The following KRTCAP2 variants were observed in gnomAD, a reference collection of about 807,000 sequenced individuals.
KRTCAP2 encodes dolichyl-diphosphooligosaccharide--protein glycosyltransferase subunit KCP2.
In KRTCAP2, 10 loss-of-function variants were observed where a neutral mutation model predicts 16.5. That is an observed-to-expected ratio of 0.60 (90% CI 0.37 to 1.02). The LOEUF (loss-of-function observed/expected upper bound fraction) is 1.02. Ranked by LOEUF, KRTCAP2 falls within the 50% of genes least tolerant of loss-of-function variation. KRTCAP2 has a pLI of 0.01. For missense variants in KRTCAP2, 152 were observed against 159.6 expected (o/e 0.95, Z 0.26); for synonymous variants, 68 against 69.8 (o/e 0.97, Z 0.13).
chr1:155,173,091 TCCGGTGGAAATGCCCGCTC>T, intron 1 of KRTCAP2, 111 bp downstream of exon 1: 2 of 994,124 alleles, frequency 2.0e-6, no homozygotes, highest in South Asian at 1.5e-5. Flanking sequence ...AACCCTCCCG[TCCGGTGGAAATGCCCGCTC>T]CCGGTGGAAC....
At chr1:155,169,888 C>CG in intron 3 of KRTCAP2, 31 bp from the exon 4 acceptor site, 1 of 1,471,638 alleles carries the variant, frequency 6.8e-7, no homozygotes, top group Non-Finnish European at 9.4e-7. Flanking sequence ...AGGAGGGCAA[C>CG]GGTCAGAATG....
At chr1:155,172,716 C>T (rs991848624) in intron 2 of KRTCAP2, 22 bp downstream of exon 2, 2 of 1,614,176 alleles carry the variant, frequency 1.2e-6, no homozygotes, top group Admixed American at 1.7e-5. Context: ...TGGCCCGCCC[C>T]CTCCAACTGC....
intron 3 of KRTCAP2, chr1:155,171,880 T>G (rs1474387821): frequency 3.1e-6 from 3 of 970,332 alleles, no homozygotes; most frequent in African/African-American, 1.8e-5. Flanking sequence ...GAGAAAAGAT[T>G]AAGGGCAACC....
intron 1 of KRTCAP2, 26 bp from the exon 2 acceptor site, chr1:155,172,918 A>G (rs1345702962): frequency 6.2e-7 from 1 of 1,611,354 alleles, no homozygotes; most frequent in Non-Finnish European, 8.5e-7. Context: ...GAAGGGACGG[A>G]GAGTCAGGCT....
At position 155,172,804 on chromosome 1, in the gene KRTCAP2, G is replaced by A. The variant is rs1415733629; in HGVS notation, c.93C>T (p.Ala31=). ...AGMQMYSRQL[A]STEWLTIQGG... ...CCTGGATGGTGAGCCACTCGGTGGA[G>A]GCCAGCTGACGGCTGTACATCTGCA... Residue 31 remains alanine, a synonymous_variant, in exon 2 of 5, where the codon GCC becomes GCT. Transcript: ENST00000295682. 2 of 1,614,226 alleles carry A rather than the reference G, an allele frequency of 1.2e-6. No individual in the cohort carries two copies. The highest frequency in any genetic ancestry group is 1.7e-6 in the Non-Finnish European group (2 of 1,180,034).
chr1:155,169,929 G>T, intron 3 of KRTCAP2, 72 bp from the exon 4 acceptor site: 1 of 993,464 alleles, frequency 1.0e-6, no homozygotes, highest in Non-Finnish European at 1.6e-6. Context: ...ATGGAGTCCA[G>T]GAGAAATCCG....
chr1:155,170,079 G>C (rs888391590), intron 3 of KRTCAP2: 4 of 454,168 alleles, frequency 8.8e-6, no homozygotes, highest in South Asian at 7.3e-5. Context: ...CCAGCACTTC[G>C]GGAGGCTGAG....
At chr1:155,171,913 CAT>C (rs1018170693) in intron 3 of KRTCAP2, 30 of 978,804 alleles carry the variant, frequency 3.1e-5, no homozygotes, top group African/African-American at 5.3e-5. Context: ...TGTTTTACCA[CAT>C]GAGGGTTTTA....
At chr1:155,170,592 C>A (rs1479614580) in intron 3 of KRTCAP2, 1 of 152,272 alleles carries the variant, frequency 6.6e-6, no homozygotes, top group Non-Finnish European at 1.5e-5. Context: ...AAGTTGAAGG[C>A]CTTGCTCCCT....
chr1:155,171,682 AC>A, intron 3 of KRTCAP2: 2 of 670,056 alleles, frequency 3.0e-6, no homozygotes, highest in Non-Finnish European at 3.7e-6. Flanking sequence ...ATGTGGTGAA[AC>A]CCCATCTCTA....
At chr1:155,173,036 C>G (rs972231279) in intron 1 of KRTCAP2, 144 bp from the exon 2 acceptor site, 14 of 998,668 alleles carry the variant, frequency 1.4e-5, no homozygotes, top group Non-Finnish European at 1.7e-5. Flanking sequence ...CAACTCCCCA[C>G]ACCGCGCGGC....
chr1:155,172,340 C>T, intron 3 of KRTCAP2: 1 of 1,394,736 alleles, frequency 7.2e-7, no homozygotes, highest in Non-Finnish European at 9.3e-7. Context: ...TGGGAGCTGG[C>T]CAGAAGGTAC....
chr1:155,173,006 G>A (rs1665321250), intron 1 of KRTCAP2, 114 bp from the exon 2 acceptor site: 9 of 1,173,732 alleles, frequency 7.7e-6, no homozygotes, highest in East Asian at 2.5e-5. Context: ...AAGAACTCCC[G>A]GGACTGCAGC....
In KRTCAP2 at chr1:155,172,412, G is replaced by A. The variant is rs993500305; in HGVS notation, c.223+153C>T. ...TCCAACTCCAGGAGCTATACAAGGT[G>A]CAGAATCGAAAAGCGTCATCTGTCT... is the stretch of plus-strand genomic sequence containing the variant. On this transcript the variant is annotated intron_variant, in intron 3 of 4. Transcript: ENST00000295682. 19 of 1,494,256 alleles carry A rather than the reference G, an allele frequency of 1.3e-5. No individual in the cohort carries two copies. In the Admixed American group the frequency reaches 2.6e-4, roughly 21 times the overall value. 92.6% of individuals were successfully genotyped at this position (1,494,256 alleles called of 1,614,324 possible).
intron 3 of KRTCAP2, chr1:155,172,064 C>A: frequency 4.0e-6 from 4 of 991,594 alleles, no homozygotes; most frequent in Non-Finnish European, 3.6e-6. Context: ...AGCAATTGAA[C>A]AAGAATTATT....
chr1:155,173,167 A>G, intron 1 of KRTCAP2, 54 bp downstream of exon 1: 2 of 1,471,534 alleles, frequency 1.4e-6, no homozygotes, highest in Middle Eastern at 2.4e-4. Context: ...AAGCTTGTCC[A>G]CCCAAACCCC....
chr1:155,169,767 C>T (rs1665182496), intron 4 of KRTCAP2, 24 bp downstream of exon 4: 1 of 1,577,990 alleles, frequency 6.3e-7, no homozygotes, highest in Non-Finnish European at 8.6e-7. Flanking sequence ...TGCTACACCC[C>T]TTACCCAGCT....
At position 155,172,563 on chromosome 1, in the gene KRTCAP2, A is replaced by ACTCTCAGGGAAGATCTTTGCTTGG. The variant is rs1665292613; in HGVS notation, c.201_223+1dup. 6.2e-7 allele frequency: 1 copy of ACTCTCAGGGAAGATCTTTGCTTGG among 1,614,032 alleles called. No homozygotes were observed. Among genetic ancestry groups the ACTCTCAGGGAAGATCTTTGCTTGG allele is most frequent in the African/African-American group, 1.3e-5 (1 of 74,888 alleles). On this transcript the variant is annotated splice_donor_variant, in intron 3 of 4. Coordinates refer to ENST00000295682, the MANE Select transcript of KRTCAP2 (RefSeq NM_173852.4). LOFTEE classifies it high-confidence loss of function. ...AATACTCAAGCTCCAATATTCACTT[A>ACTCTCAGGGAAGATCTTTGCTTGG]CTCTCAGGGAAGATCTTTGCTTGGA...
In KRTCAP2 at chr1:155,172,568, CA is replaced by C; in HGVS notation, c.219del (p.Glu74ArgfsTer?). 1 of 1,614,266 alleles carries C rather than the reference CA, an allele frequency of 6.2e-7. No individual in the cohort carries two copies. Among genetic ancestry groups the C allele is most frequent in the Non-Finnish European group, 8.5e-7 (1 of 1,180,054 alleles). On this transcript the variant is annotated frameshift_variant, in exon 3 of 5. Transcript: ENST00000295682. LOFTEE classifies it high-confidence loss of function. The part of the protein sequence containing the change: ...FGKGFQAKIF[P>X]EILLCLLLAL... The stretch of plus-strand genomic sequence containing the variant: ...TCAAGCTCCAATATTCACTTACTCT[CA>C]GGGAAGATCTTTGCTTGGAATCCTT...
Sources: gnomAD v4.1 joint callset for allele counts on GRCh38, gnomAD v4.1.1 for gene constraint, MANE v1.5 for transcripts, NCBI Gene and HGNC (gene_info 2026-07-23, HGNC 2026-07-21) for gene names.